The following ANKS1B variants were observed in gnomAD, a reference collection of about 807,000 sequenced individuals.
The protein encoded by ANKS1B is ankyrin repeat and sterile alpha motif domain-containing protein 1B.
Under a neutral mutation model 148.3 loss-of-function variants are expected in ANKS1B, and 36 were observed. That is an observed-to-expected ratio of 0.24 (90% CI 0.19 to 0.32). ANKS1B has a LOEUF of 0.32. ANKS1B is among the 10% of genes least tolerant of loss of function. The probability of loss-of-function intolerance (pLI) is 1.00; values close to 1 mark genes in which losing one functional copy is unlikely to be tolerated. For synonymous variants in ANKS1B, 542 were observed against 560.8 expected (o/e 0.97, Z 0.47); for missense variants, 1,157 against 1,542.6 (o/e 0.75, Z 4.19).
At chr12:99,030,110 C>T (rs1296411392) in intron 17 of ANKS1B, among the ~76,000 whole-genome samples, 1 of 152,194 alleles carries the variant, frequency 6.6e-6, no homozygotes, top group East Asian at 1.9e-4. Flanking sequence ...GACTGGCTTT[C>T]TTCTGATTTT....
chr12:99,368,748 T>C (rs989464129), intron 12 of ANKS1B, among the ~76,000 whole-genome samples: 1 of 152,106 alleles, frequency 6.6e-6, no homozygotes, highest in Non-Finnish European at 1.5e-5. Flanking sequence ...AAGAGAGTGA[T>C]AGAGAGACAC....
Position 98,847,782 on chromosome 12 carries a change from G to T in ANKS1B, c.2779-15646C>A, listed in dbSNP as rs1440761614. 3.9e-5 allele frequency among the ~76,000 whole-genome samples: 6 copies of T among 152,248 alleles called. No individual in the cohort carries two copies. In the South Asian group the frequency reaches 8.3e-4, roughly 21 times the overall value. ...GGCTAATTTTCGTATTTTTAGTAGA[G>T]AGGGGGTTTTGTCATGTTGGTCAGG... On this transcript the variant is annotated intron_variant, in intron 17 of 26. Transcript: ENST00000683438.
intron 12 of ANKS1B, among the ~76,000 whole-genome samples, chr12:99,388,104 C>A (rs984889861): frequency 2.6e-5 from 4 of 151,836 alleles, no homozygotes; most frequent in Non-Finnish European, 5.9e-5. Flanking sequence ...TCTTAAACAG[C>A]GGAATGGCAT....
At chr12:99,208,935 C>T (rs1282920867) in intron 14 of ANKS1B, among the ~76,000 whole-genome samples, 1 of 151,970 alleles carries the variant, frequency 6.6e-6, no homozygotes, top group Non-Finnish European at 1.5e-5. Context: ...TTGATCTTTC[C>T]AGAATTCAGA....
intron 9 of ANKS1B, among the ~76,000 whole-genome samples, chr12:99,511,337 G>C (rs11503422): frequency 0.12 from 17,588 of 151,862 alleles, 2,356 homozygotes; most frequent in African/African-American, 0.33. Flanking sequence ...GAGCAAAATG[G>C]CTAGGAATAC....
intron 17 of ANKS1B, among the ~76,000 whole-genome samples, chr12:99,008,716 A>G (rs1308674265): frequency 6.6e-6 from 1 of 152,218 alleles, no homozygotes. Context: ...GGAAAATCCC[A>G]AAAATATAAA....
At chr12:99,678,915 G>A (rs993131133) in intron 8 of ANKS1B, among the ~76,000 whole-genome samples, 6 of 151,976 alleles carry the variant, frequency 3.9e-5, no homozygotes, top group South Asian at 2.1e-4. Flanking sequence ...AATAACAGAG[G>A]ACACACAAAA....
chr12:98,772,024 A>C (rs2098590693), intron 25 of ANKS1B, among the ~76,000 whole-genome samples: 2 of 152,208 alleles, frequency 1.3e-5, no homozygotes, highest in African/African-American at 4.8e-5. Flanking sequence ...CTCAAGTCTG[A>C]AAGTGAAATT....
chr12:99,315,117 C>T (rs2083811491), intron 12 of ANKS1B, among the ~76,000 whole-genome samples: 1 of 151,780 alleles, frequency 6.6e-6, no homozygotes, highest in Non-Finnish European at 1.5e-5. Context: ...GTGGTGCATG[C>T]CTGTAGTCCC....
At chr12:99,713,778 T>C (rs891645725) in intron 8 of ANKS1B, among the ~76,000 whole-genome samples, 1 of 152,240 alleles carries the variant, frequency 6.6e-6, no homozygotes, top group African/African-American at 2.4e-5. Flanking sequence ...AGTATCTATA[T>C]TTCCACTAGC....
chr12:99,399,923 GT>G (rs1031767262), intron 11 of ANKS1B, 112 bp from the exon 12 acceptor site: 4 of 946,582 alleles, frequency 4.2e-6, no homozygotes. Flanking sequence ...AACTATCTGG[GT>G]TTTATACTTA....
At chr12:98,963,262 C>A (rs2099874989) in intron 17 of ANKS1B, among the ~76,000 whole-genome samples, 1 of 151,840 alleles carries the variant, frequency 6.6e-6, no homozygotes, top group Non-Finnish European at 1.5e-5. Flanking sequence ...TCACTACAAC[C>A]TGAACCTCCT....
chr12:99,165,517 A>C (rs2077108990), intron 14 of ANKS1B, among the ~76,000 whole-genome samples: 1 of 151,936 alleles, frequency 6.6e-6, no homozygotes, highest in African/African-American at 2.4e-5. Flanking sequence ...AAATTCAGCA[A>C]CTTAGATGAA....
intron 4 of ANKS1B, among the ~76,000 whole-genome samples, chr12:99,790,397 A>G (rs986884467): frequency 1.3e-5 from 2 of 152,182 alleles, no homozygotes; most frequent in African/African-American, 4.8e-5. Context: ...AGAAAAGGAA[A>G]TTAATAAGCA....
intron 10 of ANKS1B, among the ~76,000 whole-genome samples, chr12:99,476,707 T>C (rs2096328474): frequency 6.6e-6 from 1 of 152,166 alleles, no homozygotes; most frequent in Admixed American, 6.5e-5. Context: ...AGAATAAAGA[T>C]TATATTAGCT....
chr12:98,920,782 C>A (rs1372845893), intron 17 of ANKS1B, among the ~76,000 whole-genome samples: 1 of 152,184 alleles, frequency 6.6e-6, no homozygotes, highest in Non-Finnish European at 1.5e-5. Context: ...AGCTGGCTGA[C>A]TTGCAATGAA....
chr12:99,741,749 G>A (rs530690400), intron 8 of ANKS1B, among the ~76,000 whole-genome samples: 2 of 151,942 alleles, frequency 1.3e-5, no homozygotes, highest in East Asian at 3.9e-4. Flanking sequence ...CTGTCGAGGT[G>A]GGGGGCAAGG....
At chr12:99,047,698 C>T (rs1367502355) in intron 17 of ANKS1B, among the ~76,000 whole-genome samples, 3 of 152,026 alleles carry the variant, frequency 2.0e-5, no homozygotes, top group Non-Finnish European at 2.9e-5. Context: ...AAGTACTGTT[C>T]GTTAGAATTC....
intron 8 of ANKS1B, among the ~76,000 whole-genome samples, chr12:99,763,677 A>C (rs115537798): frequency 0.012 from 1,753 of 152,218 alleles, 42 homozygotes; most frequent in African/African-American, 0.039. Flanking sequence ...AAAAAAAAAA[A>C]CAAAATAGCC....
Sources: allele counts gnomAD v4.1 joint callset (sites outside exome capture counted in the v4.1 genomes callset), GRCh38; gene constraint gnomAD v4.1.1; transcripts MANE v1.5; gene names NCBI Gene and HGNC (gene_info 2026-07-23, HGNC 2026-07-21).